MCRIP1: variants seen among roughly 807,000 people sequenced by gnomAD.
The protein encoded by MCRIP1 is MAPK regulated corepressor interacting protein 1, also known as mapk-regulated corepressor-interacting protein 1.
A neutral mutation model predicts 14.4 loss-of-function variants in MCRIP1; 10 were observed. The observed-to-expected ratio is 0.70, with a 90% CI of 0.43 to 1.18. The LOEUF is 1.18. Ranked by LOEUF, MCRIP1 falls within the 50% of genes most tolerant of loss-of-function variation. The pLI, the probability that MCRIP1 is intolerant of heterozygous loss-of-function variation, is 0.00. For missense variants in MCRIP1, 119 were observed against 135.4 expected (o/e 0.88, Z 0.60); for synonymous variants, 53 against 55.7 (o/e 0.95, Z 0.21).
intron 3 of MCRIP1, among the ~76,000 whole-genome samples, 178 bp downstream of exon 3, chr17:81,824,109 C>T (rs898680508): frequency 2.6e-5 from 4 of 152,194 alleles, no homozygotes; most frequent in African/African-American, 4.8e-5. Context: ...AAGGTCCCCT[C>T]GGCCACCCCT....
At chr17:81,824,429 C>T (rs1190988313) in intron 2 of MCRIP1, 24 bp from the exon 3 acceptor site, 1 of 1,533,992 alleles carries the variant, frequency 6.5e-7, no homozygotes, top group East Asian at 2.4e-5. Flanking sequence ...GCGCATGAGA[C>T]AGGGCACACA....
At chr17:81,830,146 C>T (rs1358915786) in intron 1 of MCRIP1, among the ~76,000 whole-genome samples, 1 of 152,238 alleles carries the variant, frequency 6.6e-6, no homozygotes, top group East Asian at 1.9e-4. Context: ...CTCTGGGGCC[C>T]CGGGCAAGCT....
intron 1 of MCRIP1, among the ~76,000 whole-genome samples, chr17:81,827,474 T>C (rs1187301935): frequency 1.3e-5 from 2 of 151,766 alleles, no homozygotes; most frequent in Non-Finnish European, 2.9e-5. Flanking sequence ...GATTTCGTCC[T>C]GTTAGCCAGG....
intron 3 of MCRIP1, 120 bp downstream of exon 3, chr17:81,824,167 T>TGC: frequency 1.2e-6 from 1 of 806,874 alleles, no homozygotes; most frequent in South Asian, 1.5e-5. Context: ...GGGCTATCTG[T>TGC]GCCCTGGAGG....
rs1372486346 is a variant in MCRIP1, at chr17:81,833,005, C to A, written c.-49+233G>T. ...GGCGGGAAAGGCGCTCAGTCCGAGC[C>A]GCGCCCTCCCCACGCGCGCTCCCAG... On this transcript the variant is annotated intron_variant, in intron 1 of 4. Transcript: ENST00000455127. Among the ~76,000 whole-genome samples the A allele has an allele frequency of 4.6e-5, 7 of 151,730 alleles. No homozygotes were observed. The East Asian group carries it at 1.2e-3, about 25-fold the overall frequency.
intron 3 of MCRIP1, 56 bp downstream of exon 3, chr17:81,824,231 G>T (rs530850122): frequency 6.5e-6 from 9 of 1,391,246 alleles, no homozygotes; most frequent in East Asian, 5.0e-5. Flanking sequence ...TGGGCTGGGG[G>T]CAGAGCTGAC....
chr17:81,829,544 A>G (rs1299336897), intron 1 of MCRIP1, among the ~76,000 whole-genome samples: 1 of 152,236 alleles, frequency 6.6e-6, no homozygotes, highest in Non-Finnish European at 1.5e-5. Flanking sequence ...ATATTTTAAC[A>G]TCTTTGAAAC....
chr17:81,826,091 T>C (rs557231842), intron 1 of MCRIP1: 76 of 1,475,790 alleles, frequency 5.1e-5, no homozygotes, highest in Non-Finnish European at 6.5e-5. Flanking sequence ...CAGTGGCCAC[T>C]TGGCCTTTAT....
chr17:81,825,703 C>T (rs1388477958), intron 1 of MCRIP1: 1 of 1,289,378 alleles, frequency 7.8e-7, no homozygotes, highest in Non-Finnish European at 1.0e-6. Flanking sequence ...AACTCTGTGC[C>T]CCATCCCAGG....
At chr17:81,826,648 T>C (rs1010866563) in intron 1 of MCRIP1, 10 of 461,778 alleles carry the variant, frequency 2.2e-5, no homozygotes, top group African/African-American at 1.0e-4. Flanking sequence ...GGTGAAACCC[T>C]GTCTCTACTA....
In MCRIP1 at chr17:81,823,245, C is replaced by G; in HGVS notation, c.*2G>C. ...GGAGGCCGGGGAGGGGCACCGGGCG[C>G]TCTAGGACTTCTTGGCATCCTGCGT... On this transcript the variant is annotated 3_prime_UTR_variant, in exon 5 of 5. Transcript: ENST00000455127. The surrounding 1 kb of genome is among the most constrained non-coding windows in gnomAD (Gnocchi z 6.0). 1 of 1,536,442 alleles carries G rather than the reference C, an allele frequency of 6.5e-7. No individual in the cohort carries two copies. The highest frequency in any genetic ancestry group is 8.7e-7 in the Non-Finnish European group (1 of 1,146,786).
intron 1 of MCRIP1, among the ~76,000 whole-genome samples, chr17:81,832,695 G>C (rs1403716747): frequency 6.6e-6 from 1 of 152,246 alleles, no homozygotes; most frequent in Non-Finnish European, 1.5e-5. Flanking sequence ...CACAACCACC[G>C]CCCAGTGAGT....
In MCRIP1 at chr17:81,822,942, GGA is replaced by G; in HGVS notation, c.*303_*304del. On this transcript the variant is annotated 3_prime_UTR_variant, in exon 5 of 5. Coordinates refer to ENST00000455127, the MANE Select transcript of MCRIP1 (RefSeq NM_207368.5). ...CCAGGGGCAGGAGGGTGAGGGGAGAGGAGAGAGGTCAGGTCAGGGCCCCTGGG... is the reference window on the plus strand; with the variant it reads ...CCAGGGGCAGGAGGGTGAGGGGAGAGGAGAGGTCAGGTCAGGGCCCCTGGG... The G allele has an allele frequency of 9.0e-6, 5 of 552,594 alleles. No individual in the cohort carries two copies. Among genetic ancestry groups the G allele is most frequent in the Middle Eastern group, 4.9e-4 (1 of 2,054 alleles). 34.2% of individuals were successfully genotyped at this position (552,594 alleles called of 1,614,324 possible).
intron 1 of MCRIP1, among the ~76,000 whole-genome samples, chr17:81,827,037 G>A (rs963028709): frequency 6.7e-6 from 1 of 148,936 alleles, no homozygotes; most frequent in East Asian, 2.1e-4. Context: ...AGAAGTGCTT[G>A]AACCTGGGAG....
intron 1 of MCRIP1, chr17:81,826,390 A>G (rs928107123): frequency 1.1e-5 from 17 of 1,535,320 alleles, no homozygotes; most frequent in African/African-American, 8.2e-5. Flanking sequence ...CTGGTGTGGC[A>G]GCATGCACTT....
rs1464444414 is a variant in MCRIP1, at chr17:81,823,132, A to T, written c.*115T>A. ...AGCCGTCAGTCACGCCAGTGCTGGG[A>T]TCTGCAGCCCGCTGGAGCAAGGCAC... On this transcript the variant is annotated 3_prime_UTR_variant, in exon 5 of 5. Transcript: ENST00000455127. The surrounding 1 kb of genome is among the most constrained non-coding windows in gnomAD (Gnocchi z 6.0). 3 of 982,000 alleles carry T rather than the reference A, an allele frequency of 3.1e-6. No homozygotes were observed. The highest frequency in any genetic ancestry group is 3.1e-6 in the Non-Finnish European group (2 of 646,740). The allele number at this position is 982,000 out of a possible 1,614,324, so 60.8% of individuals were successfully genotyped here. A position where few individuals can be genotyped will look rare whatever the true frequency, so the allele number is the denominator to read the frequency against.
At chr17:81,832,134 C>T (rs1449953842) in intron 1 of MCRIP1, among the ~76,000 whole-genome samples, 2 of 152,168 alleles carry the variant, frequency 1.3e-5, no homozygotes, top group South Asian at 2.1e-4. Flanking sequence ...CATGCTCCTC[C>T]GGAGTTTCTG....
chr17:81,829,460 C>G (rs1041995485), intron 1 of MCRIP1, among the ~76,000 whole-genome samples: 18 of 152,250 alleles, frequency 1.2e-4, no homozygotes. Flanking sequence ...TGCCGATGTC[C>G]CGGCCACGGC....
At position 81,826,250 on chromosome 17, in the gene MCRIP1, T is replaced by C. The variant is rs941797566; in HGVS notation, c.-48-1696A>G. 2.6e-6 allele frequency: 4 copies of C among 1,511,604 alleles called. No individual in the cohort carries two copies. The African/African-American group carries it at 5.6e-5, about 21-fold the overall frequency. 93.6% of individuals were successfully genotyped at this position (1,511,604 alleles called of 1,614,324 possible). The stretch of plus-strand genomic sequence containing the variant: ...GCACACACACACACACACACACACC[T>C]GCCCACACATACCTACCTGCACACA... On this transcript the variant is annotated intron_variant, in intron 1 of 4. Transcript: ENST00000455127.
Sources: gnomAD v4.1 joint callset for allele counts (sites outside exome capture counted in the v4.1 genomes callset) on GRCh38, gnomAD v4.1.1 for gene constraint, Gnocchi (gnomAD v3.1) non-coding constraint, MANE v1.5 for transcripts, NCBI Gene and HGNC (gene_info 2026-07-23, HGNC 2026-07-21) for gene names.